Variants in MACROD2 observed in about 807,000 individuals in gnomAD.
MACROD2 encodes mono-ADP ribosylhydrolase 2, also known as ADP-ribose glycohydrolase MACROD2.
MACROD2 carries 36 observed loss-of-function variants against 70.4 expected under a neutral mutation model. The observed-to-expected ratio is 0.51, with a 90% CI of 0.39 to 0.68. MACROD2 has a LOEUF of 0.68. Among genes scored for constraint, MACROD2 ranks in the 30% least tolerant of loss-of-function variants. The pLI is 0.00. For synonymous variants in MACROD2, 172 were observed against 178.8 expected (o/e 0.96, Z 0.30); for missense variants, 496 against 538.4 (o/e 0.92, Z 0.78).
In MACROD2 at chr20:14,396,989, C is replaced by CTTT. The variant is rs372145747; in HGVS notation, c.272-96473_272-96471dup. On this transcript the variant is annotated intron_variant, in intron 3 of 17. Coordinates refer to ENST00000684519, the MANE Select transcript of MACROD2 (RefSeq NM_001351661.2). The stretch of plus-strand genomic sequence containing the variant: ...TTAATTGGTATATTTAGACCATTTA[C>CTTT]TTTTTTTTTTTTTTTTTTTAATTGA... Among the ~76,000 whole-genome samples, 391 of 96,990 alleles carry CTTT rather than the reference C, an allele frequency of 4.0e-3. 8 individuals are homozygous for CTTT. The highest frequency in any genetic ancestry group is 0.014 in the African/African-American group (366 of 25,398). 63.6% of individuals were successfully genotyped at this position (96,990 alleles called of 152,430 possible).
intron 7 of MACROD2, among the ~76,000 whole-genome samples, chr20:15,461,006 A>ATATATATTTTTTTTTTTTTT: frequency 1.5e-5 from 1 of 66,990 alleles, no homozygotes; most frequent in Non-Finnish European, 3.3e-5. Flanking sequence ...ATATATATAT[A>ATATATATTTTTTTTTTTTTT]TTTTTTTTTA....
chr20:15,066,977 A>G (rs767645247), intron 5 of MACROD2, among the ~76,000 whole-genome samples: 3 of 152,154 alleles, frequency 2.0e-5, no homozygotes, highest in Non-Finnish European at 2.9e-5. Context: ...ATCATATACT[A>G]CAGTCAAATT....
At chr20:15,166,640 A>G (rs2076386229) in intron 5 of MACROD2, among the ~76,000 whole-genome samples, 1 of 152,124 alleles carries the variant, frequency 6.6e-6, no homozygotes, top group Admixed American at 6.6e-5. Context: ...ACAACAATCT[A>G]TGCATTTTTT....
chr20:14,624,537 C>T lies in MACROD2; in HGVS notation c.302-60306C>T, dbSNP rs1310840458. On this transcript the variant is annotated intron_variant, in intron 4 of 17. Coordinates refer to ENST00000684519, the MANE Select transcript of MACROD2 (RefSeq NM_001351661.2). ...CCATAGGGTTAGGAGCAAAGACATG[C>T]CCTCTGCAGCTAATAATTATGCACC... 2.0e-5 allele frequency among the ~76,000 whole-genome samples: 3 copies of T among 152,162 alleles called. No individual in the cohort carries two copies. In the South Asian group the frequency reaches 6.2e-4, roughly 32 times the overall value.
chr20:15,880,973 G>A (rs1316366317), intron 9 of MACROD2, among the ~76,000 whole-genome samples: 2 of 152,026 alleles, frequency 1.3e-5, no homozygotes, highest in Admixed American at 6.6e-5. Context: ...GCTGGCTCTT[G>A]TATATTTCCC....
chr20:14,426,781 G>C, intron 3 of MACROD2, among the ~76,000 whole-genome samples: 1 of 152,114 alleles, frequency 6.6e-6, no homozygotes, highest in Admixed American at 6.6e-5. Context: ...AGGAAAAATG[G>C]GGAGATTCTG....
chr20:15,364,978 T>G (rs1339316413), intron 6 of MACROD2, among the ~76,000 whole-genome samples: 1 of 152,226 alleles, frequency 6.6e-6, no homozygotes, highest in East Asian at 1.9e-4. Context: ...TCCCAAAGTT[T>G]AATTTGTTCA....
intron 6 of MACROD2, among the ~76,000 whole-genome samples, chr20:15,368,118 G>A (rs1253304784): frequency 6.6e-6 from 1 of 152,206 alleles, no homozygotes; most frequent in East Asian, 1.9e-4. Flanking sequence ...AGATCCAATG[G>A]AACTATAAAA....
intron 15 of MACROD2, among the ~76,000 whole-genome samples, chr20:16,028,971 C>T (rs1033369827): frequency 1.3e-5 from 2 of 152,194 alleles, no homozygotes; most frequent in African/African-American, 2.4e-5. Context: ...GGCGCTTAAA[C>T]AACAGAAATG....
At chr20:14,550,113 G>A (rs563135335) in intron 4 of MACROD2, among the ~76,000 whole-genome samples, 1 of 151,950 alleles carries the variant, frequency 6.6e-6, no homozygotes, top group South Asian at 2.1e-4. Flanking sequence ...AGTATAGACG[G>A]GGTTTCACCA....
chr20:14,778,586 T>C (rs1168050349), intron 5 of MACROD2, among the ~76,000 whole-genome samples: 1 of 152,076 alleles, frequency 6.6e-6, no homozygotes. Context: ...GAATTTATGG[T>C]AGTTTGGGGG....
chr20:14,038,123 G>A (rs1467546597), intron 2 of MACROD2, among the ~76,000 whole-genome samples: 4 of 151,996 alleles, frequency 2.6e-5, no homozygotes, highest in African/African-American at 9.7e-5. Flanking sequence ...GTGAAACCCC[G>A]TCTCTACTAA....
At chr20:14,061,477 A>G (rs192348997) in intron 2 of MACROD2, among the ~76,000 whole-genome samples, 84 of 152,284 alleles carry the variant, frequency 5.5e-4, no homozygotes, top group Middle Eastern at 6.8e-3. Flanking sequence ...ATGGTTTCAC[A>G]TATCAGTACT....
At chr20:14,594,467 A>G (rs1981988972) in intron 4 of MACROD2, among the ~76,000 whole-genome samples, 1 of 152,234 alleles carries the variant, frequency 6.6e-6, no homozygotes, top group Admixed American at 6.5e-5. Context: ...AATTTTCCCT[A>G]TCTGCAAATA....
At chr20:15,362,151 ACAGGCGCACACCACCACACC>A (rs1392222120) in intron 6 of MACROD2, among the ~76,000 whole-genome samples, 2 of 151,960 alleles carry the variant, frequency 1.3e-5, no homozygotes, top group Non-Finnish European at 2.9e-5. Flanking sequence ...AGCTGGGATT[ACAGGCGCACACCACCACACC>A]CAGTGAGTTT....
At chr20:14,800,552 A>T (rs1384658009) in intron 5 of MACROD2, among the ~76,000 whole-genome samples, 1 of 152,124 alleles carries the variant, frequency 6.6e-6, no homozygotes, top group Non-Finnish European at 1.5e-5. Flanking sequence ...GCCCAATGCA[A>T]TTTAAGAGTC....
chr20:15,876,091 T>TATATATATATATATATA (rs2064664541), intron 9 of MACROD2, among the ~76,000 whole-genome samples: 1 of 33,110 alleles, frequency 3.0e-5, no homozygotes, highest in African/African-American at 7.5e-5. Flanking sequence ...TACATGTCTT[T>TATATATATATATATATA]TATATATATA....
chr20:15,820,962 T>G (rs2063932103), intron 8 of MACROD2, among the ~76,000 whole-genome samples: 1 of 152,164 alleles, frequency 6.6e-6, no homozygotes, highest in South Asian at 2.1e-4. Context: ...CTGTTCACAT[T>G]ACACAATGGA....
At chr20:14,290,897 A>T (rs1183287877) in intron 3 of MACROD2, among the ~76,000 whole-genome samples, 43 of 152,262 alleles carry the variant, frequency 2.8e-4, no homozygotes. Flanking sequence ...CTTGTTATTA[A>T]ATAAGCACAG....
Sources: allele counts gnomAD v4.1 joint callset (sites outside exome capture counted in the v4.1 genomes callset), GRCh38; gene constraint gnomAD v4.1.1; transcripts MANE v1.5; gene names NCBI Gene and HGNC (gene_info 2026-07-23, HGNC 2026-07-21).